Variants in DNAAF5 observed in about 807,000 individuals in gnomAD.
DNAAF5 encodes HEAT repeat containing 2.
In DNAAF5, 64 loss-of-function variants were observed where a neutral mutation model predicts 75.8. The observed-to-expected ratio is 0.84, with a 90% CI of 0.69 to 1.04. DNAAF5 has a LOEUF of 1.04. DNAAF5 is among the 50% of genes least tolerant of loss of function. DNAAF5 has a pLI of 0.00. For synonymous variants in DNAAF5, 657 were observed against 557.2 expected (o/e 1.18, Z -2.52); for missense variants, 1,269 against 1,178.5 (o/e 1.08, Z -1.12).
rs781235373 is a variant in DNAAF5, at chr7:726,951, G to A, written c.231G>A (p.Leu77=). Reference sequence around the variant, plus strand: ...TCCAGGGCCCCTGGGCGCGCCTACTGCTGCCGCGCTTGCTGCGCTGCCTGA... The same window carrying A: ...TCCAGGGCCCCTGGGCGCGCCTACTACTGCCGCGCTTGCTGCGCTGCCTGA... ...TAFQGPWARL[L]LPRLLRCLSD... The change falls in exon 1 of 13, where the codon CTG becomes CTA. Residue 77 remains leucine, a synonymous_variant. Transcript: ENST00000297440. The A allele has an allele frequency of 5.9e-5, 78 of 1,330,114 alleles. No homozygotes were observed. In the African/African-American group the frequency reaches 1.0e-3, roughly 17 times the overall value. The allele number at this position is 1,330,114 out of a possible 1,614,324, so 82.4% of individuals were successfully genotyped here.
At chr7:763,666 T>G in intron 7 of DNAAF5, 140 bp from the exon 8 acceptor site, 1 of 945,394 alleles carries the variant, frequency 1.1e-6, no homozygotes, top group African/African-American at 1.6e-5. Context: ...GGGCTCCCTG[T>G]GGCAGCCTCC....
intron 10 of DNAAF5, 23 bp downstream of exon 10, chr7:774,221 G>A: frequency 1.3e-6 from 2 of 1,587,330 alleles, no homozygotes; most frequent in East Asian, 2.2e-5. Context: ...CTGCGTGCTC[G>A]GTGGACACCG....
At chr7:776,810 T>G (rs1778776332) in intron 11 of DNAAF5, among the ~76,000 whole-genome samples, 1 of 152,138 alleles carries the variant, frequency 6.6e-6, no homozygotes, top group South Asian at 2.1e-4. Flanking sequence ...CCAGTACCTG[T>G]CCGGGTCCTG....
intron 4 of DNAAF5, among the ~76,000 whole-genome samples, chr7:753,927 T>C (rs1782395695): frequency 6.8e-6 from 1 of 148,022 alleles, no homozygotes; most frequent in Non-Finnish European, 1.5e-5. Flanking sequence ...CGTGTGTCTC[T>C]CTGATCATAT....
intron 8 of DNAAF5, among the ~76,000 whole-genome samples, chr7:766,642 G>A (rs1231684078): frequency 3.3e-5 from 5 of 152,172 alleles, no homozygotes; most frequent in African/African-American, 1.2e-4. Context: ...AGTTGGGCAC[G>A]GTGGCTCACG....
chr7:753,208 A>T (rs1160879483), intron 4 of DNAAF5, among the ~76,000 whole-genome samples: 1 of 152,254 alleles, frequency 6.6e-6, no homozygotes, highest in Non-Finnish European at 1.5e-5. Flanking sequence ...CCCAGGCCAC[A>T]CAGACTTGCC....
At chr7:783,413 G>A (rs1283955422) in intron 12 of DNAAF5, among the ~76,000 whole-genome samples, 2 of 152,178 alleles carry the variant, frequency 1.3e-5, no homozygotes, top group Non-Finnish European at 2.9e-5. Flanking sequence ...GTGACGGGCA[G>A]GCCGGGCATG....
At chr7:747,564 A>G (rs67785403) in intron 4 of DNAAF5, among the ~76,000 whole-genome samples, 123,232 of 148,072 alleles carry the variant, frequency 0.83, 51,312 homozygotes, top group South Asian at 0.9. Context: ...TAGTGTATCC[A>G]GCTGGTGTGC....
Position 740,842 on chromosome 7 carries a change from G to A in DNAAF5, c.804G>A (p.Val268=), listed in dbSNP as rs770987739. 1 of 1,614,006 alleles carries A rather than the reference G, an allele frequency of 6.2e-7. No individual in the cohort carries two copies. Among genetic ancestry groups the A allele is most frequent in the East Asian group, 2.2e-5 (1 of 44,882 alleles). Residue 268 remains valine (V), a synonymous_variant, in exon 3 of 13, where the codon GTG becomes GTA. Coordinates refer to ENST00000297440, the MANE Select transcript of DNAAF5 (RefSeq NM_017802.4). ...AGGTCCGGCGGGCGGTGGCCTCCGT[G>A]GTGGGCGGCTGGCTGCTGTGTCTGC... The part of the protein sequence containing the change: ...VPQVRRAVAS[V]VGGWLLCLRD...
At chr7:727,352 A>ACACTCT (rs1453541282) in intron 1 of DNAAF5, 37 bp downstream of exon 1, 2 of 973,944 alleles carry the variant, frequency 2.1e-6, no homozygotes, top group Non-Finnish European at 2.4e-6. Flanking sequence ...ACGCCACCCC[A>ACACTCT]CACTCTCACC....
chr7:767,188 G>A (rs956657730), intron 8 of DNAAF5, among the ~76,000 whole-genome samples: 13 of 147,068 alleles, frequency 8.8e-5, no homozygotes, highest in African/African-American at 1.8e-4. Flanking sequence ...GCAGTGAGCC[G>A]AGACTGTGCC....
intron 4 of DNAAF5, among the ~76,000 whole-genome samples, chr7:753,227 C>T (rs992139566): frequency 1.3e-5 from 2 of 152,240 alleles, no homozygotes; most frequent in African/African-American, 4.8e-5. Flanking sequence ...CCCTGGACAC[C>T]ATTTGAATGC....
intron 2 of DNAAF5, among the ~76,000 whole-genome samples, chr7:737,295 C>T (rs557172198): frequency 6.6e-5 from 10 of 152,140 alleles, no homozygotes; most frequent in Non-Finnish European, 1.5e-4. Flanking sequence ...AAGGTTTCAT[C>T]ATGTTGGCCA....
chr7:754,472 G>A lies in DNAAF5; in HGVS notation c.1025-117G>A, dbSNP rs932671275. On this transcript the variant is annotated intron_variant, in intron 4 of 12. Transcript: ENST00000297440. The surrounding 1 kb of genome is among the most constrained non-coding windows in gnomAD (Gnocchi z 4.8). Reference sequence around the variant, plus strand: ...CAGCTTTGCGTCCACCCCAAGACTTGTTTTGAAATGGTGAGGTTGAAACTC... The same window carrying A: ...CAGCTTTGCGTCCACCCCAAGACTTATTTTGAAATGGTGAGGTTGAAACTC... 1.1e-6 allele frequency: 1 copy of A among 872,948 alleles called. No homozygotes were observed. Among genetic ancestry groups the A allele is most frequent in the Non-Finnish European group, 1.9e-6 (1 of 533,422 alleles). The allele number at this position is 872,948 out of a possible 1,614,324, so 54.1% of individuals were successfully genotyped here.
intron 11 of DNAAF5, 104 bp from the exon 12 acceptor site, chr7:779,849 C>T: frequency 2.0e-6 from 2 of 978,750 alleles, no homozygotes; most frequent in Non-Finnish European, 3.0e-6. Flanking sequence ...CTTAGGACCC[C>T]AGGGCAGGTG....
intron 11 of DNAAF5, among the ~76,000 whole-genome samples, chr7:775,865 G>A (rs181677500): frequency 1.1e-4 from 16 of 151,938 alleles, no homozygotes; most frequent in Admixed American, 7.9e-4. Context: ...TCTAGAGACA[G>A]TTTAAGGTGT....
chr7:777,681 G>A (rs1778808193), intron 11 of DNAAF5, among the ~76,000 whole-genome samples: 1 of 152,146 alleles, frequency 6.6e-6, no homozygotes, highest in Non-Finnish European at 1.5e-5. Flanking sequence ...TTTAAAAGAT[G>A]GTTCTTGCTA....
At chr7:734,310 G>A (rs538835956) in intron 2 of DNAAF5, among the ~76,000 whole-genome samples, 2 of 152,276 alleles carry the variant, frequency 1.3e-5, no homozygotes, top group South Asian at 2.1e-4. Context: ...ATCATGTAGG[G>A]ATGTTGAATT....
chr7:734,546 G>A (rs530208660), intron 2 of DNAAF5, among the ~76,000 whole-genome samples: 21 of 152,284 alleles, frequency 1.4e-4, no homozygotes, highest in Non-Finnish European at 2.1e-4. Context: ...TTTCCTTTTC[G>A]ATTGCATCTG....
Sources: allele counts gnomAD v4.1 joint callset (sites outside exome capture counted in the v4.1 genomes callset), GRCh38; gene constraint gnomAD v4.1.1; non-coding constraint Gnocchi (gnomAD v3.1); transcripts MANE v1.5; gene names NCBI Gene and HGNC (gene_info 2026-07-23, HGNC 2026-07-21).